GLIS3: variants seen among roughly 807,000 people sequenced by gnomAD.
GLIS3 encodes the protein zinc finger protein GLIS3.
Under a neutral mutation model 78.6 loss-of-function variants are expected in GLIS3, and 53 were observed. The ratio of observed to expected loss-of-function variants is 0.67; its 90% CI spans 0.54 to 0.85. GLIS3 has a LOEUF of 0.85. Ranked by LOEUF, GLIS3 falls within the 40% of genes least tolerant of loss-of-function variation. The pLI is 0.00. For missense variants in GLIS3, 1,703 were observed against 1,231.1 expected (o/e 1.38, Z -5.74); for synonymous variants, 684 against 509.9 (o/e 1.34, Z -4.60).
At chr9:4,094,727 T>C (rs1160288620) in intron 4 of GLIS3, among the ~76,000 whole-genome samples, 2 of 152,226 alleles carry the variant, frequency 1.3e-5, no homozygotes, top group Non-Finnish European at 2.9e-5. Context: ...TGTTCTCATT[T>C]AACATTCCTA....
intron 4 of GLIS3, among the ~76,000 whole-genome samples, chr9:4,004,839 T>A (rs904567292): frequency 2.0e-5 from 3 of 152,226 alleles, no homozygotes; most frequent in African/African-American, 7.2e-5. Context: ...TAGTAAACTT[T>A]AGAATATGGA....
intron 2 of GLIS3, among the ~76,000 whole-genome samples, chr9:4,186,701 T>G (rs1425239872): frequency 6.6e-6 from 1 of 151,914 alleles, no homozygotes; most frequent in Non-Finnish European, 1.5e-5. Context: ...CTAACTGGTG[T>G]GAGATGGTAT....
At chr9:4,160,838 G>A (rs1002681470) in intron 2 of GLIS3, among the ~76,000 whole-genome samples, 1 of 152,122 alleles carries the variant, frequency 6.6e-6, no homozygotes, top group African/African-American at 2.4e-5. Context: ...AAATCAGCTG[G>A]TAAACCAGGT....
chr9:4,360,120 G>A, the GLIS3 span, among the ~76,000 whole-genome samples: 1 of 152,086 alleles, frequency 6.6e-6, no homozygotes, highest in Non-Finnish European at 1.5e-5. Flanking sequence ...TACTCAATGA[G>A]GGCACAGGTT....
intron 2 of GLIS3, among the ~76,000 whole-genome samples, chr9:4,272,416 C>G (rs1490946846): frequency 6.6e-6 from 1 of 152,114 alleles, no homozygotes; most frequent in Non-Finnish European, 1.5e-5. Flanking sequence ...AAAACAACAT[C>G]CTATGGAAAT....
At chr9:4,041,641 A>G (rs1303833029) in intron 4 of GLIS3, among the ~76,000 whole-genome samples, 1 of 152,176 alleles carries the variant, frequency 6.6e-6, no homozygotes, top group Non-Finnish European at 1.5e-5. Context: ...GAGACAAAGT[A>G]ACAAATGTAA....
At chr9:4,148,521 T>C (rs1834403664) in intron 2 of GLIS3, among the ~76,000 whole-genome samples, 1 of 152,150 alleles carries the variant, frequency 6.6e-6, no homozygotes, top group Non-Finnish European at 1.5e-5. Flanking sequence ...TCTTTTGTGC[T>C]GTGGATCAAT....
chr9:3,961,102 TCAC>T (rs1817518682), intron 4 of GLIS3, among the ~76,000 whole-genome samples: 1 of 152,152 alleles, frequency 6.6e-6, no homozygotes, highest in Non-Finnish European at 1.5e-5. Context: ...AACTAATTTG[TCAC>T]CACAACTGCT....
intron 4 of GLIS3, among the ~76,000 whole-genome samples, chr9:4,060,211 C>T (rs1349488312): frequency 6.6e-6 from 1 of 152,216 alleles, no homozygotes; most frequent in African/African-American, 2.4e-5. Flanking sequence ...CTTCATACTA[C>T]TCTCAGTTCT....
chr9:4,162,630 T>C (rs35958569), intron 2 of GLIS3, among the ~76,000 whole-genome samples: 38,066 of 151,810 alleles, frequency 0.25, 4,910 homozygotes, highest in Middle Eastern at 0.36. Context: ...GAGGCCGAGG[T>C]GGGCAGATCA....
intron 2 of GLIS3, among the ~76,000 whole-genome samples, chr9:4,337,255 T>C (rs901933567): frequency 6.6e-6 from 1 of 152,198 alleles, no homozygotes; most frequent in Non-Finnish European, 1.5e-5. Context: ...AAATACTTTA[T>C]CTACAAAGAC....
rs138495438 is a variant in GLIS3 at position 4,149,557 on chromosome 9, G to T, written c.389-23616C>A. Reference sequence around the variant, plus strand: ...GTTTCCATATATAAGCAATAGTCAGGCATGACACCTTAATTTATTCTGTGT... The same window carrying T: ...GTTTCCATATATAAGCAATAGTCAGTCATGACACCTTAATTTATTCTGTGT... On this transcript the variant is annotated intron_variant, in intron 2 of 10. Coordinates refer to ENST00000381971, the MANE Select transcript of GLIS3 (RefSeq NM_001042413.2). 2.8e-3 allele frequency among the ~76,000 whole-genome samples: 432 copies of T among 152,332 alleles called. 3 individuals are homozygous for T. Among genetic ancestry groups the T allele is most frequent in the African/African-American group, 9.9e-3 (410 of 41,568 alleles).
At chr9:4,455,255 T>C in the GLIS3 span, among the ~76,000 whole-genome samples, 1 of 152,330 alleles carries the variant, frequency 6.6e-6, no homozygotes. Context: ...TAGCATGAGA[T>C]TGCCTTCCAT....
intron 4 of GLIS3, among the ~76,000 whole-genome samples, chr9:4,106,005 T>G (rs115232971): frequency 5.4e-4 from 83 of 152,310 alleles, no homozygotes; most frequent in African/African-American, 2.0e-3. Context: ...CGCAAGAACC[T>G]GAATACTTCC....
chr9:4,179,149 T>G (rs908432542), intron 2 of GLIS3, among the ~76,000 whole-genome samples: 1 of 152,196 alleles, frequency 6.6e-6, no homozygotes, highest in African/African-American at 2.4e-5. Context: ...ATGCTTACAT[T>G]TGGATAGTCT....
At chr9:4,253,217 G>A (rs1450289294) in intron 2 of GLIS3, among the ~76,000 whole-genome samples, 7 of 152,216 alleles carry the variant, frequency 4.6e-5, no homozygotes, top group African/African-American at 1.4e-4. Flanking sequence ...GCCCACAGCC[G>A]CCCCTTTCCC....
intron 9 of GLIS3, among the ~76,000 whole-genome samples, chr9:3,830,930 G>T (rs1374369014): frequency 2.6e-5 from 4 of 152,130 alleles, no homozygotes; most frequent in African/African-American, 7.2e-5. Flanking sequence ...TAACTGCTCA[G>T]ATCACCCTTG....
At chr9:4,381,264 A>T in the GLIS3 span, among the ~76,000 whole-genome samples, 1 of 152,240 alleles carries the variant, frequency 6.6e-6, no homozygotes, top group African/African-American at 2.4e-5. Flanking sequence ...GAATTTTAGG[A>T]TAGAAGATGA....
At chr9:4,403,369 T>TA in the GLIS3 span, among the ~76,000 whole-genome samples, 8 of 152,068 alleles carry the variant, frequency 5.3e-5, no homozygotes, top group Non-Finnish European at 1.0e-4. Flanking sequence ...CATCTGAAGG[T>TA]AAAAAACTCA....
Sources: gnomAD v4.1 joint callset for allele counts (sites outside exome capture counted in the v4.1 genomes callset) on GRCh38, gnomAD v4.1.1 for gene constraint, MANE v1.5 for transcripts, NCBI Gene and HGNC (gene_info 2026-07-23, HGNC 2026-07-21) for gene names.